ERG: variants seen among roughly 807,000 people sequenced by gnomAD.
The protein encoded by ERG is ETS transcription factor ERG.
A neutral mutation model predicts 55.3 loss-of-function variants in ERG; 9 were observed. The ratio of observed to expected loss-of-function variants is 0.16; its 90% CI spans 0.10 to 0.28. ERG has a LOEUF of 0.28. Ranked by LOEUF, ERG falls within the 10% of genes least tolerant of loss-of-function variation. The pLI is 1.00. For missense variants in ERG, 434 were observed against 631.6 expected (o/e 0.69, Z 3.35); for synonymous variants, 223 against 237.3 (o/e 0.94, Z 0.55).
intron 2 of ERG, among the ~76,000 whole-genome samples, chr21:38,555,577 G>A (rs1252905427): frequency 6.6e-6 from 1 of 151,984 alleles, no homozygotes; most frequent in Non-Finnish European, 1.5e-5. Flanking sequence ...CAGTTAACAA[G>A]TTTTTATTGA....
Position 38,466,300 on chromosome 21 carries a change from G to GGTGTGTGTGTGTGTGTGT in ERG, c.19-20697_19-20680dup, listed in dbSNP as rs145670035. Among the ~76,000 whole-genome samples, 1,079 of 140,648 alleles carry GGTGTGTGTGTGTGTGTGT rather than the reference G, an allele frequency of 7.7e-3. 10 individuals are homozygous for GGTGTGTGTGTGTGTGTGT. Among genetic ancestry groups the GGTGTGTGTGTGTGTGTGT allele is most frequent in the African/African-American group, 0.019 (712 of 37,792 alleles). 92.3% of individuals were successfully genotyped at this position (140,648 alleles called of 152,430 possible). A position where few individuals can be genotyped will look rare whatever the true frequency, so the allele number is the denominator to read the frequency against. ...CAGTTTAGGCTGTCTGATGGTCTGG[G>GGTGTGTGTGTGTGTGTGT]GTGTGTGTGTGTGTGTGTGTGTGTG... On this transcript the variant is annotated intron_variant, in intron 1 of 9. Transcript: ENST00000288319.
At chr21:38,609,763 A>AAC (rs2060215417) in intron 1 of ERG, among the ~76,000 whole-genome samples, 1 of 152,230 alleles carries the variant, frequency 6.6e-6, no homozygotes, top group South Asian at 2.1e-4. Flanking sequence ...ACAGGAAGAA[A>AAC]ACACACCCAT....
chr21:38,490,039 G>C (rs139231272), intron 1 of ERG, among the ~76,000 whole-genome samples: 1 of 152,306 alleles, frequency 6.6e-6, no homozygotes, highest in Non-Finnish European at 1.5e-5. Context: ...AGGACCTGCT[G>C]TGCAGTGTCC....
intron 2 of ERG, among the ~76,000 whole-genome samples, chr21:38,539,597 A>G (rs1322738457): frequency 6.6e-6 from 1 of 152,314 alleles, no homozygotes; most frequent in East Asian, 1.9e-4. Context: ...TGAAAAAGCT[A>G]AAGATTAAAG....
At chr21:38,427,962 G>A (rs1989914935) in intron 2 of ERG, among the ~76,000 whole-genome samples, 1 of 152,150 alleles carries the variant, frequency 6.6e-6, no homozygotes, top group Non-Finnish European at 1.5e-5. Flanking sequence ...CAAGATAGGT[G>A]AATTGTTTTA....
chr21:38,426,537 T>G (rs1989830281), intron 2 of ERG, among the ~76,000 whole-genome samples: 1 of 152,218 alleles, frequency 6.6e-6, no homozygotes, highest in Non-Finnish European at 1.5e-5. Context: ...TTTAGACAGC[T>G]GTTATCAAGT....
chr21:38,461,041 A>G (rs2059037465), intron 1 of ERG, among the ~76,000 whole-genome samples: 1 of 152,192 alleles, frequency 6.6e-6, no homozygotes, highest in Admixed American at 6.5e-5. Flanking sequence ...TACTGCCTTA[A>G]AACCCAATTT....
At chr21:38,419,028 T>A (rs1025718883) in intron 3 of ERG, among the ~76,000 whole-genome samples, 1 of 151,710 alleles carries the variant, frequency 6.6e-6, no homozygotes, top group Non-Finnish European at 1.5e-5. Flanking sequence ...GTAACCAGCA[T>A]GGGGGATGTC....
At chr21:38,402,505 G>A in intron 5 of ERG, 52 bp downstream of exon 5, 7 of 1,382,810 alleles carry the variant, frequency 5.1e-6, no homozygotes, top group Non-Finnish European at 7.1e-6. Context: ...CATGCAACCT[G>A]TACGTAAGAC....
At chr21:38,396,888 C>A (rs574217041) in intron 6 of ERG, among the ~76,000 whole-genome samples, 1 of 151,752 alleles carries the variant, frequency 6.6e-6, no homozygotes, top group East Asian at 1.9e-4. Context: ...GTGAGAAACA[C>A]GTGAAACATC....
chr21:38,457,743 C>T (rs1219462020), intron 1 of ERG, among the ~76,000 whole-genome samples: 2 of 152,100 alleles, frequency 1.3e-5, no homozygotes, highest in Non-Finnish European at 2.9e-5. Flanking sequence ...GTGGGGTGGG[C>T]GGGTAGGTGA....
At chr21:38,512,964 C>T (rs940596069) in intron 2 of ERG, among the ~76,000 whole-genome samples, 1 of 151,968 alleles carries the variant, frequency 6.6e-6, no homozygotes, top group Non-Finnish European at 1.5e-5. Flanking sequence ...AACCCTGTCT[C>T]TACTAAAAAT....
At chr21:38,617,612 AC>A (rs1484502977) in intron 1 of ERG, among the ~76,000 whole-genome samples, 2 of 152,002 alleles carry the variant, frequency 1.3e-5, no homozygotes, top group Non-Finnish European at 2.9e-5. Flanking sequence ...TTTCTTCCTC[AC>A]CCCTTCATCT....
chr21:38,648,824 G>A (rs765948423), intron 1 of ERG, among the ~76,000 whole-genome samples: 6 of 152,190 alleles, frequency 3.9e-5, no homozygotes, highest in Admixed American at 1.3e-4. Flanking sequence ...CATTGGACTC[G>A]CTGGCTTGTT....
intron 5 of ERG, among the ~76,000 whole-genome samples, chr21:38,402,273 G>A (rs1315107571): frequency 1.3e-5 from 2 of 152,110 alleles, no homozygotes; most frequent in African/African-American, 4.8e-5. Flanking sequence ...ACTGTAATCC[G>A]GCAAATGTGA....
At chr21:38,456,360 T>C (rs2058989473) in intron 1 of ERG, among the ~76,000 whole-genome samples, 1 of 152,184 alleles carries the variant, frequency 6.6e-6, no homozygotes, top group Non-Finnish European at 1.5e-5. Context: ...TGTTTTTAAG[T>C]GTGGAAAGGA....
At chr21:38,502,531 G>T, upstream of ERG, 1 of 155,540 alleles carries the variant, frequency 6.4e-6, no homozygotes, top group South Asian at 1.7e-4. Flanking sequence ...AATGTGTGGA[G>T]ATGTCAACTA....
At chr21:38,586,284 A>G (rs1043986774), upstream of ERG, among the ~76,000 whole-genome samples, 1 of 147,250 alleles carries the variant, frequency 6.8e-6, no homozygotes, top group Non-Finnish European at 1.5e-5. Flanking sequence ...ATTACCTCAC[A>G]TACTTATTTT....
intron 2 of ERG, among the ~76,000 whole-genome samples, chr21:38,543,099 C>T (rs2146800148): frequency 6.6e-6 from 1 of 152,232 alleles, no homozygotes; most frequent in Middle Eastern, 3.4e-3. Context: ...CTGGATCTTT[C>T]CCCAGTAGTG....
Sources: gnomAD v4.1 joint callset for allele counts (sites outside exome capture counted in the v4.1 genomes callset) on GRCh38, gnomAD v4.1.1 for gene constraint, MANE v1.5 for transcripts, NCBI Gene and HGNC (gene_info 2026-07-23, HGNC 2026-07-21) for gene names.